The following MACROD2 variants were observed in gnomAD, a reference collection of about 807,000 sequenced individuals.
MACROD2 encodes the protein ADP-ribose glycohydrolase MACROD2.
Under a neutral mutation model 70.4 loss-of-function variants are expected in MACROD2, and 36 were observed. That is an observed-to-expected ratio of 0.51 (90% CI 0.39 to 0.68). The LOEUF (loss-of-function observed/expected upper bound fraction) is 0.68, where lower values mean the gene tolerates loss of function less well. Among genes scored for constraint, MACROD2 ranks in the 30% least tolerant of loss-of-function variants. MACROD2 has a pLI of 0.00. For missense variants in MACROD2, 496 were observed against 538.4 expected (o/e 0.92, Z 0.78); for synonymous variants, 172 against 178.8 (o/e 0.96, Z 0.30).
intron 8 of MACROD2, among the ~76,000 whole-genome samples, chr20:15,709,082 TAGGTA>T (rs1308738262): frequency 6.6e-6 from 1 of 152,096 alleles, no homozygotes; most frequent in Non-Finnish European, 1.5e-5. Flanking sequence ...GAGGAGTGGA[TAGGTA>T]TTACAGGGTT....
intron 6 of MACROD2, among the ~76,000 whole-genome samples, chr20:15,356,783 A>C (rs2078292217): frequency 6.6e-6 from 1 of 152,158 alleles, no homozygotes; most frequent in African/African-American, 2.4e-5. Flanking sequence ...GACTATCTCA[A>C]AAAAAATTTT....
chr20:14,576,929 A>C (rs979066562), intron 4 of MACROD2, among the ~76,000 whole-genome samples: 2 of 152,224 alleles, frequency 1.3e-5, no homozygotes, highest in Non-Finnish European at 2.9e-5. Flanking sequence ...AAACTTTATA[A>C]ATATACCTAA....
intron 8 of MACROD2, among the ~76,000 whole-genome samples, chr20:15,555,856 G>GAAAAAAAAAAAAA (rs2048163082): frequency 2.5e-5 from 2 of 80,752 alleles, no homozygotes; most frequent in South Asian, 4.2e-4. Context: ...AAAAAAAAAG[G>GAAAAAAAAAAAAA]AAAAGAAAAG....
rs147945192 is a variant in MACROD2, at chr20:14,389,545, G to A, written c.272-103934G>A. On this transcript the variant is annotated intron_variant, in intron 3 of 17. Transcript: ENST00000684519. ...ATGGGAGAGATAAACTGTTCACATCGAGATGATTGGCCACACTATGTTTTA... is the reference window on the plus strand; with the variant it reads ...ATGGGAGAGATAAACTGTTCACATCAAGATGATTGGCCACACTATGTTTTA... Among the ~76,000 whole-genome samples, 20 of 151,792 alleles carry A rather than the reference G, an allele frequency of 1.3e-4. No individual in the cohort carries two copies. In the East Asian group the frequency reaches 3.7e-3, roughly 28 times the overall value.
At chr20:15,666,981 T>G (rs2049907329) in intron 8 of MACROD2, among the ~76,000 whole-genome samples, 1 of 152,222 alleles carries the variant, frequency 6.6e-6, no homozygotes, top group Admixed American at 6.5e-5. Context: ...TGAAATTTGC[T>G]GTATTTTTGT....
rs776815821 is a variant in MACROD2, at chr20:15,827,964, T to C, written c.646-34781T>C. Among the ~76,000 whole-genome samples, 10 of 152,290 alleles carry C rather than the reference T, an allele frequency of 6.6e-5. No individual in the cohort carries two copies. The South Asian group carries it at 2.1e-3, about 32-fold the overall frequency. On this transcript the variant is annotated intron_variant, in intron 8 of 17. Transcript: ENST00000684519. Reference sequence around the variant, plus strand: ...GCTCACTTATCATACTAATACCAGGTTAGAACAGTTACCTTAGAATCTTTG... The same window carrying C: ...GCTCACTTATCATACTAATACCAGGCTAGAACAGTTACCTTAGAATCTTTG...
chr20:14,406,006 A>AT (rs2083687130), intron 3 of MACROD2, among the ~76,000 whole-genome samples: 1 of 152,192 alleles, frequency 6.6e-6, no homozygotes, highest in Non-Finnish European at 1.5e-5. Context: ...AACTTGAATT[A>AT]TTCCTGTGGA....
At chr20:14,831,780 C>CAAAAAAAA (rs71190151) in intron 5 of MACROD2, among the ~76,000 whole-genome samples, 4 of 37,180 alleles carry the variant, frequency 1.1e-4, no homozygotes, top group Non-Finnish European at 1.8e-4. Context: ...AACTCCGTCT[C>CAAAAAAAA]AAAAAAAAAA....
chr20:14,889,540 G>A (rs943538014), intron 5 of MACROD2, among the ~76,000 whole-genome samples: 1 of 152,032 alleles, frequency 6.6e-6, no homozygotes, highest in Non-Finnish European at 1.5e-5. Flanking sequence ...AGAGATAAAG[G>A]AATGAAACAA....
intron 5 of MACROD2, among the ~76,000 whole-genome samples, chr20:14,795,949 A>G (rs2072504821): frequency 6.6e-6 from 1 of 152,084 alleles, no homozygotes; most frequent in African/African-American, 2.4e-5. Context: ...GAGAAGTCCA[A>G]GTAGATCAAG....
At chr20:15,842,220 A>G (rs530960847) in intron 8 of MACROD2, among the ~76,000 whole-genome samples, 65 of 152,180 alleles carry the variant, frequency 4.3e-4, no homozygotes, top group African/African-American at 1.4e-3. Flanking sequence ...TGACTTCCCA[A>G]TGCCGGTGGA....
At chr20:15,857,257 G>T in intron 8 of MACROD2, among the ~76,000 whole-genome samples, 1 of 152,176 alleles carries the variant, frequency 6.6e-6, no homozygotes, top group East Asian at 1.9e-4. Flanking sequence ...TGTCCATCTG[G>T]ACAGGGCCAG....
intron 13 of MACROD2, among the ~76,000 whole-genome samples, chr20:15,970,168 A>G (rs1339255): frequency 0.96 from 145,555 of 152,090 alleles, 69,854 homozygotes; most frequent in East Asian, 1. Flanking sequence ...AGGACATTTT[A>G]GACCAAAAAG....
intron 8 of MACROD2, among the ~76,000 whole-genome samples, chr20:15,606,476 C>T (rs1482518110): frequency 2.0e-5 from 3 of 152,098 alleles, no homozygotes; most frequent in Admixed American, 1.3e-4. Context: ...GGGCTTGTTA[C>T]TTCTTTAACC....
chr20:15,186,509 C>A (rs1345080794), intron 5 of MACROD2, among the ~76,000 whole-genome samples: 1 of 152,086 alleles, frequency 6.6e-6, no homozygotes, highest in South Asian at 2.1e-4. Context: ...TTCTTCCGGA[C>A]TTAAGACAGC....
At chr20:15,190,423 T>C (rs950388114) in intron 5 of MACROD2, among the ~76,000 whole-genome samples, 2 of 152,184 alleles carry the variant, frequency 1.3e-5, no homozygotes, top group African/African-American at 4.8e-5. Context: ...CTGAATGCTC[T>C]TCCTCTTCCT....
chr20:14,027,250 C>T (rs564760958), intron 2 of MACROD2, among the ~76,000 whole-genome samples: 7 of 152,092 alleles, frequency 4.6e-5, no homozygotes, highest in South Asian at 2.1e-4. Flanking sequence ...TTGATCGATT[C>T]GGCTATTGAT....
intron 6 of MACROD2, among the ~76,000 whole-genome samples, chr20:15,307,132 A>G (rs146673020): frequency 0.02 from 3,024 of 152,218 alleles, 112 homozygotes; most frequent in African/African-American, 0.068. Context: ...TCACATTTCA[A>G]CATGAGATTT....
chr20:15,789,166 G>A (rs1185368034), intron 8 of MACROD2, among the ~76,000 whole-genome samples: 4 of 152,116 alleles, frequency 2.6e-5, no homozygotes, highest in Non-Finnish European at 5.9e-5. Flanking sequence ...TAGCCACAGC[G>A]AACAAGCATC....
Sources: gnomAD v4.1 joint callset for allele counts (sites outside exome capture counted in the v4.1 genomes callset) on GRCh38, gnomAD v4.1.1 for gene constraint, MANE v1.5 for transcripts, NCBI Gene and HGNC (gene_info 2026-07-23, HGNC 2026-07-21) for gene names.